Variants in CCDC6 observed in about 807,000 individuals in gnomAD.
CCDC6 encodes coiled-coil domain containing 6.
Under a neutral mutation model 56.6 loss-of-function variants are expected in CCDC6, and 20 were observed. That is an observed-to-expected ratio of 0.35 (90% CI 0.25 to 0.51). The LOEUF is 0.51. CCDC6 is among the 20% of genes least tolerant of loss of function. The probability of loss-of-function intolerance (pLI) is 0.95; values close to 1 mark genes in which losing one functional copy is unlikely to be tolerated. For missense variants in CCDC6, 367 were observed against 601.1 expected, an observed-to-expected ratio of 0.61 and a Z score of 4.07; for synonymous variants, 241 against 234.4, an observed-to-expected ratio of 1.03 and a Z score of -0.26.
intron 2 of CCDC6, among the ~76,000 whole-genome samples, chr10:59,835,035 A>C (rs1405761083): frequency 6.6e-6 from 1 of 152,224 alleles, no homozygotes; most frequent in Non-Finnish European, 1.5e-5. Flanking sequence ...AATAGTTATG[A>C]ACACTAAGCT....
intron 1 of CCDC6, among the ~76,000 whole-genome samples, chr10:59,886,834 C>T (rs2071386196): frequency 6.6e-6 from 1 of 152,132 alleles, no homozygotes; most frequent in African/African-American, 2.4e-5. Context: ...AGGATATCAA[C>T]TAGGCAGGTA....
chr10:59,885,913 CCG>C (rs869050772), intron 1 of CCDC6, among the ~76,000 whole-genome samples: 1 of 31,498 alleles, frequency 3.2e-5, no homozygotes, highest in South Asian at 1.5e-3. Context: ...ATTTCCAACC[CCG>C]CCCCCCGCCC....
chr10:59,859,805 T>C (rs931743790), intron 1 of CCDC6, among the ~76,000 whole-genome samples: 2 of 152,098 alleles, frequency 1.3e-5, no homozygotes, highest in African/African-American at 4.8e-5. Flanking sequence ...AATCTAGAGA[T>C]ACAGAAACCA....
At position 59,790,691 on chromosome 10, in the gene CCDC6, G is replaced by A; in HGVS notation, c.*2226C>T. On this transcript the variant is annotated 3_prime_UTR_variant, in exon 9 of 9. Coordinates refer to ENST00000263102, the MANE Select transcript of CCDC6 (RefSeq NM_005436.5). ...TGAAGGAGCTGTGTTTTATTTCGAA[G>A]TGAAATGACTTTGGGAACCAGAACA... 4 of 220,464 alleles carry A rather than the reference G, an allele frequency of 1.8e-5. No individual in the cohort carries two copies. Among genetic ancestry groups the A allele is most frequent in the Non-Finnish European group, 3.6e-5 (4 of 110,222 alleles). The allele number at this position is 220,464 out of a possible 1,614,324, so 13.7% of individuals were successfully genotyped here. A position where few individuals can be genotyped will look rare whatever the true frequency, so the allele number is the denominator to read the frequency against.
chr10:59,876,575 C>CTT (rs2071283103), intron 1 of CCDC6, among the ~76,000 whole-genome samples: 1 of 133,924 alleles, frequency 7.5e-6, no homozygotes, highest in Non-Finnish European at 1.5e-5. Flanking sequence ...ATATAAACTA[C>CTT]ACCTGTTAAG....
intron 7 of CCDC6, among the ~76,000 whole-genome samples, chr10:59,801,402 C>A (rs1404373633): frequency 1.3e-5 from 2 of 152,174 alleles, no homozygotes; most frequent in Admixed American, 6.5e-5. Context: ...TGCTGCCGGT[C>A]GCCATCACTG....
chr10:59,884,289 A>C (rs1160727830), intron 1 of CCDC6, among the ~76,000 whole-genome samples: 1 of 152,220 alleles, frequency 6.6e-6, no homozygotes, highest in African/African-American at 2.4e-5. Context: ...AAAGAAGGCA[A>C]GAATATAAAA....
intron 3 of CCDC6, among the ~76,000 whole-genome samples, chr10:59,822,729 G>A (rs1466612404): frequency 6.6e-6 from 1 of 152,094 alleles, no homozygotes; most frequent in Middle Eastern, 3.2e-3. Flanking sequence ...AGGGACAGGG[G>A]GGCAGAGAAA....
At chr10:59,829,462 T>G (rs1028346046) in intron 3 of CCDC6, among the ~76,000 whole-genome samples, 2 of 152,222 alleles carry the variant, frequency 1.3e-5, no homozygotes, top group East Asian at 3.9e-4. Flanking sequence ...CACAAAAAAA[T>G]TATACGTGAA....
intron 1 of CCDC6, among the ~76,000 whole-genome samples, chr10:59,888,819 AG>A (rs2071401394): frequency 6.6e-6 from 1 of 152,316 alleles, no homozygotes; most frequent in African/African-American, 2.4e-5. Context: ...ACTCTACTTT[AG>A]TATATGCTTG....
At chr10:59,884,325 G>A (rs76954584) in intron 1 of CCDC6, among the ~76,000 whole-genome samples, 2,605 of 152,248 alleles carry the variant, frequency 0.017, 31 homozygotes, top group Middle Eastern at 0.044. Flanking sequence ...TCGAGACAGC[G>A]ACGACAATAA....
rs1283683097 is a variant in CCDC6, at chr10:59,862,374, GC to G, written c.304-9673del. Among the ~76,000 whole-genome samples the G allele has an allele frequency of 7.8e-4, 118 of 151,528 alleles. 3 individuals carry two copies. Among genetic ancestry groups the G allele is most frequent in the Non-Finnish European group, 7.4e-5 (5 of 67,934 alleles). On this transcript the variant is annotated intron_variant, in intron 1 of 8. Coordinates refer to ENST00000263102, the MANE Select transcript of CCDC6 (RefSeq NM_005436.5). ...ACGGTGGTGAACGCCTGTAGTCTCA[GC>G]TACTCAGGAGGTTGAGGCATAAGAA...
At chr10:59,862,983 C>A (rs1325168482) in intron 1 of CCDC6, among the ~76,000 whole-genome samples, 1 of 151,898 alleles carries the variant, frequency 6.6e-6, no homozygotes, top group Non-Finnish European at 1.5e-5. Context: ...ACCCCGAATA[C>A]CTACTCAGAA....
At position 59,792,375 on chromosome 10, in the gene CCDC6, T is replaced by C. The variant is rs1589030709; in HGVS notation, c.*542A>G. 2.5e-6 allele frequency: 1 copy of C among 398,294 alleles called. No individual in the cohort carries two copies. Among genetic ancestry groups the C allele is most frequent in the East Asian group, 4.3e-5 (1 of 23,052 alleles). 24.7% of individuals were successfully genotyped at this position (398,294 alleles called of 1,614,324 possible). ...AAAATGTATCTGTAGAAAGTTCTGT[T>C]AAACAGAAAATATGTCTTGGGCACT... On this transcript the variant is annotated 3_prime_UTR_variant, in exon 9 of 9. Coordinates refer to ENST00000263102, the MANE Select transcript of CCDC6 (RefSeq NM_005436.5).
In CCDC6 at chr10:59,809,608, T is replaced by C. The variant is rs1405287050; in HGVS notation, c.848-2530A>G. Among the ~76,000 whole-genome samples the C allele has an allele frequency of 1.3e-5, 2 of 152,134 alleles. 1 individual carries two copies. The highest frequency in any genetic ancestry group is 4.1e-4 in the South Asian group (2 of 4,830). ...ATTTGTTCCTATGAGTCCTCCTCCT[T>C]CCTCTTGCACACAGAACTCCCTAGT... is the stretch of plus-strand genomic sequence containing the variant. On this transcript the variant is annotated intron_variant, in intron 5 of 8. Coordinates refer to ENST00000263102, the MANE Select transcript of CCDC6 (RefSeq NM_005436.5).
At chr10:59,837,350 T>C (rs2070891544) in intron 2 of CCDC6, among the ~76,000 whole-genome samples, 1 of 152,190 alleles carries the variant, frequency 6.6e-6, no homozygotes, top group Admixed American at 6.5e-5. Flanking sequence ...TTTTGTAAAA[T>C]GTCAATGTGC....
intron 1 of CCDC6, among the ~76,000 whole-genome samples, chr10:59,879,329 T>A (rs1445479976): frequency 6.6e-6 from 1 of 152,176 alleles, no homozygotes; most frequent in East Asian, 1.9e-4. Context: ...AGAACACCCA[T>A]ATTATAAACT....
chr10:59,849,577 T>C (rs2071020869), intron 2 of CCDC6, among the ~76,000 whole-genome samples: 1 of 152,204 alleles, frequency 6.6e-6, no homozygotes, highest in African/African-American at 2.4e-5. Flanking sequence ...AAAAGCATTG[T>C]CCAATCACTA....
intron 3 of CCDC6, among the ~76,000 whole-genome samples, chr10:59,829,017 T>A (rs762831325): frequency 1.5e-4 from 23 of 152,186 alleles, no homozygotes; most frequent in Non-Finnish European, 2.4e-4. Context: ...CATTCCCTGT[T>A]TGAAGAATAA....
Sources: allele counts gnomAD v4.1 joint callset (sites outside exome capture counted in the v4.1 genomes callset), GRCh38; gene constraint gnomAD v4.1.1; transcripts MANE v1.5; gene names NCBI Gene and HGNC (gene_info 2026-07-23, HGNC 2026-07-21).